The following LINC00305 variants were observed in gnomAD, a reference collection of about 807,000 sequenced individuals.
LINC00305 encodes long intergenic non-protein coding RNA 305.
chr18:64,098,856 T>C (rs1568106416), intron 1 of LINC00305, among the ~76,000 whole-genome samples: 1 of 152,152 alleles, frequency 6.6e-6, no homozygotes, highest in Non-Finnish European at 1.5e-5. Flanking sequence ...TGTGTGCGGT[T>C]GGCTTAAATT....
chr18:64,144,478 G>T (rs577772427), intron 1 of LINC00305, among the ~76,000 whole-genome samples: 1 of 152,246 alleles, frequency 6.6e-6, no homozygotes, highest in East Asian at 1.9e-4. Flanking sequence ...ACCTGTATCA[G>T]ACATGTAATT....
intron 1 of LINC00305, among the ~76,000 whole-genome samples, chr18:64,113,407 A>C (rs559360227): frequency 1.8e-4 from 28 of 152,202 alleles, no homozygotes; most frequent in Non-Finnish European, 3.8e-4. Context: ...AAGAGCTATA[A>C]ATTATTTAAT....
intron 1 of LINC00305, among the ~76,000 whole-genome samples, chr18:64,146,355 A>C (rs2051498276): frequency 6.6e-6 from 1 of 152,196 alleles, no homozygotes; most frequent in African/African-American, 2.4e-5. Flanking sequence ...CTGTAACCGT[A>C]TTTTATGTAG....
intron 1 of LINC00305, among the ~76,000 whole-genome samples, chr18:64,109,341 G>T (rs1051445080): frequency 1.3e-5 from 2 of 152,176 alleles, no homozygotes; most frequent in African/African-American, 4.8e-5. Flanking sequence ...AAAGGTTGGA[G>T]AAATTAAGTG....
chr18:64,082,170 A>G (rs1159752441), intron 3 of LINC00305, among the ~76,000 whole-genome samples: 1 of 152,192 alleles, frequency 6.6e-6, no homozygotes, highest in African/African-American at 2.4e-5. Flanking sequence ...TCCTAGGGAT[A>G]ACATCACTAT....
chr18:64,080,220 AG>A, exon 4 of LINC00305: 1 of 339,958 alleles, frequency 2.9e-6, no homozygotes, highest in South Asian at 2.3e-5. Flanking sequence ...GTTTATCCAA[AG>A]GTGCTTCACA....
chr18:64,102,676 C>T (rs2051271942), intron 1 of LINC00305, among the ~76,000 whole-genome samples: 2 of 152,128 alleles, frequency 1.3e-5, no homozygotes, highest in Non-Finnish European at 2.9e-5. Context: ...ATAGTAGCTT[C>T]TGCTTCTAGG....
chr18:64,113,631 CG>C (rs998288231), intron 1 of LINC00305, among the ~76,000 whole-genome samples: 5 of 150,536 alleles, frequency 3.3e-5, no homozygotes, highest in African/African-American at 1.2e-4. Context: ...CAGGGAAAGG[CG>C]TAAGTGCTGT....
chr18:64,120,328 T>C (rs1396511615), intron 1 of LINC00305, among the ~76,000 whole-genome samples: 1 of 152,120 alleles, frequency 6.6e-6, no homozygotes, highest in Non-Finnish European at 1.5e-5. Flanking sequence ...TAGTTAAGTT[T>C]AGAGAAACAC....
intron 1 of LINC00305, among the ~76,000 whole-genome samples, chr18:64,144,590 C>T (rs1342372887): frequency 1.3e-5 from 2 of 152,032 alleles, no homozygotes; most frequent in Non-Finnish European, 2.9e-5. Flanking sequence ...CTCATTGCAA[C>T]CTCTGCCTCC....
intron 1 of LINC00305, among the ~76,000 whole-genome samples, chr18:64,114,032 G>C (rs1321349569): frequency 6.6e-6 from 1 of 152,230 alleles, no homozygotes; most frequent in African/African-American, 2.4e-5. Context: ...CACTTTGGGA[G>C]ACCGAGGCGG....
chr18:64,121,784 T>C (rs1315834712), intron 1 of LINC00305, among the ~76,000 whole-genome samples: 1 of 152,126 alleles, frequency 6.6e-6, no homozygotes, highest in Admixed American at 6.6e-5. Context: ...TCCATAGAGG[T>C]TGTACTAATT....
intron 1 of LINC00305, among the ~76,000 whole-genome samples, chr18:64,107,155 C>G (rs1295975453): frequency 1.3e-5 from 2 of 152,218 alleles, no homozygotes; most frequent in African/African-American, 4.8e-5. Flanking sequence ...TGAATCATCA[C>G]TGAAAATAAT....
chr18:64,143,751 AT>A (rs2051481866), intron 1 of LINC00305, among the ~76,000 whole-genome samples: 1 of 71,740 alleles, frequency 1.4e-5, no homozygotes, highest in African/African-American at 5.3e-5. Context: ...TTATGCGTAC[AT>A]GTATGTACAC....
intron 1 of LINC00305, among the ~76,000 whole-genome samples, chr18:64,124,669 T>G (rs1000063412): frequency 1.3e-5 from 2 of 152,138 alleles, no homozygotes; most frequent in African/African-American, 4.8e-5. Context: ...TATTAATCAT[T>G]TAATAATAAC....
At chr18:64,119,009 T>C (rs1455441958) in intron 1 of LINC00305, among the ~76,000 whole-genome samples, 1 of 152,126 alleles carries the variant, frequency 6.6e-6, no homozygotes, top group Non-Finnish European at 1.5e-5. Flanking sequence ...TGAATACTAC[T>C]TTTGTCCAAG....
intron 3 of LINC00305, among the ~76,000 whole-genome samples, chr18:64,080,682 A>G (rs557979060): frequency 6.6e-6 from 1 of 152,198 alleles, no homozygotes; most frequent in South Asian, 2.1e-4. Context: ...TATAAAATTG[A>G]AAGATAATCT....
chr18:64,135,670 C>T (rs1027482697), intron 1 of LINC00305, among the ~76,000 whole-genome samples: 1 of 152,178 alleles, frequency 6.6e-6, no homozygotes, highest in Non-Finnish European at 1.5e-5. Context: ...GCTGCAGCCT[C>T]CACCTCCCGG....
chr18:64,143,610 A>ACATAT, intron 1 of LINC00305, among the ~76,000 whole-genome samples: 1 of 111,576 alleles, frequency 9.0e-6, no homozygotes, highest in East Asian at 2.2e-4. Context: ...GTATATGTAC[A>ACATAT]TATGTACACA....
Sources: allele counts gnomAD v4.1 joint callset (sites outside exome capture counted in the v4.1 genomes callset), GRCh38; gene constraint gnomAD v4.1.1; transcripts MANE v1.5; gene names NCBI Gene and HGNC (gene_info 2026-07-23, HGNC 2026-07-21).